SLC36A4: variants seen among roughly 807,000 people sequenced by gnomAD.
The protein encoded by SLC36A4 is solute carrier family 36 member 4.
A neutral mutation model predicts 50.5 loss-of-function variants in SLC36A4; 49 were observed. The observed-to-expected ratio is 0.97, with a 90% CI of 0.77 to 1.23. SLC36A4 has a LOEUF of 1.23. Ranked by LOEUF, SLC36A4 falls within the 50% of genes most tolerant of loss-of-function variation. The probability of loss-of-function intolerance (pLI) is 0.00; values close to 1 mark genes in which losing one functional copy is unlikely to be tolerated. For synonymous variants in SLC36A4, 207 were observed against 206.5 expected (o/e 1.00, Z -0.02); for missense variants, 611 against 608.4 (o/e 1.00, Z -0.05).
chr11:93,149,565 T>G (rs969386634), intron 10 of SLC36A4, among the ~76,000 whole-genome samples: 1 of 152,064 alleles, frequency 6.6e-6, no homozygotes, highest in Non-Finnish European at 1.5e-5. Flanking sequence ...TGTGGGATTC[T>G]TGTTAAAAAT....
chr11:93,150,166 C>G (rs527869571), intron 10 of SLC36A4, among the ~76,000 whole-genome samples: 3 of 152,094 alleles, frequency 2.0e-5, no homozygotes, highest in African/African-American at 7.2e-5. Context: ...GGAGTTGCCA[C>G]CAGAAATAAC....
chr11:93,172,535 C>CTGCACCT (rs1209269792), intron 6 of SLC36A4, among the ~76,000 whole-genome samples: 27 of 150,530 alleles, frequency 1.8e-4, no homozygotes, highest in African/African-American at 5.6e-4. Flanking sequence ...CATGCTGGTG[C>CTGCACCT]GCTGCACCCA....
At chr11:93,155,406 A>G (rs1356346510) in intron 9 of SLC36A4, 1 of 152,144 alleles carries the variant, frequency 6.6e-6, no homozygotes, top group Admixed American at 6.5e-5. Context: ...TTCTTACAAA[A>G]AAATGCAATC....
At position 93,148,070 on chromosome 11, in the gene SLC36A4, T is replaced by TC. The variant is rs1859914897; in HGVS notation, c.*466_*467insG. The TC allele has an allele frequency of 6.6e-6, 1 of 152,028 alleles. No homozygotes were observed. Among genetic ancestry groups the TC allele is most frequent in the Admixed American group, 6.6e-5 (1 of 15,206 alleles). The allele number at this position is 152,028 out of a possible 1,614,324, so 9.4% of individuals were successfully genotyped here. ...GGCTAATAAAAACATAACTGAGATT[T>TC]TTTTTTTTTACACTGTACATAAAGT... On this transcript the variant is annotated 3_prime_UTR_variant, in exon 11 of 11. Coordinates refer to ENST00000326402, the MANE Select transcript of SLC36A4 (RefSeq NM_152313.4).
At chr11:93,149,529 C>T (rs1647160849) in intron 10 of SLC36A4, among the ~76,000 whole-genome samples, 1 of 152,062 alleles carries the variant, frequency 6.6e-6, no homozygotes, top group African/African-American at 2.4e-5. Flanking sequence ...TGATGTGATA[C>T]ACTGAGAAGT....
intron 7 of SLC36A4, 152 bp downstream of exon 7, chr11:93,167,792 C>A (rs1301916916): frequency 2.1e-5 from 12 of 578,698 alleles, no homozygotes; most frequent in Admixed American, 3.5e-5. Flanking sequence ...TCAGCAGCAT[C>A]CCCCTAAAAG....
At position 93,197,953 on chromosome 11, in the gene SLC36A4, C is replaced by A; in HGVS notation, c.-121G>T. The A allele has an allele frequency of 9.5e-7, 1 of 1,054,642 alleles. No homozygotes were observed. The highest frequency in any genetic ancestry group is 1.3e-6 in the Non-Finnish European group (1 of 786,348). The allele number at this position is 1,054,642 out of a possible 1,614,324, so 65.3% of individuals were successfully genotyped here. A position where few individuals can be genotyped will look rare whatever the true frequency, so the allele number is the denominator to read the frequency against. On this transcript the variant is annotated 5_prime_UTR_variant, in exon 1 of 11. In the 5' UTR this introduces an upstream ATG that the reference lacks. Transcript: ENST00000326402. ...GGACCCGCGCCTGGTGCCCGCCTCC[C>A]TGCCCCGGCGCTCCCCAACCGCGCG...
intron 5 of SLC36A4, 58 bp from the exon 6 acceptor site, chr11:93,180,939 T>G: frequency 8.8e-7 from 1 of 1,138,476 alleles, no homozygotes; most frequent in Non-Finnish European, 1.3e-6. Flanking sequence ...GTCAATATAT[T>G]TTATTTCTCT....
At chr11:93,183,903 T>C (rs1226504920) in intron 3 of SLC36A4, among the ~76,000 whole-genome samples, 1 of 152,156 alleles carries the variant, frequency 6.6e-6, no homozygotes, top group African/African-American at 2.4e-5. Context: ...TTTCACCGTG[T>C]TAGCCAGGAT....
chr11:93,174,014 T>G (rs1280818590), intron 6 of SLC36A4, among the ~76,000 whole-genome samples: 2 of 149,970 alleles, frequency 1.3e-5, no homozygotes. Context: ...GGGGATGGCA[T>G]TGAATCTGTA....
rs756708847 is a variant in SLC36A4 at position 93,168,147 on chromosome 11, T to G, written c.565A>C (p.Lys189Gln). The G allele has an allele frequency of 1.9e-6, 3 of 1,610,422 alleles. No homozygotes were observed. Among genetic ancestry groups the G allele is most frequent in the African/African-American group, 1.3e-5 (1 of 74,716 alleles). Residue 189 changes from lysine to glutamine, a missense_variant, in exon 7 of 11, where the codon AAA (lysine) becomes CAA (glutamine). By Grantham distance (53) the Lys-to-Gln change is moderately conservative. Transcript: ENST00000326402. Reference sequence around the variant, plus strand: ...TTGGTACTATTTGAAATAAACACTTTACTCTCCAGGAATCCTTCATGAACC... The same window carrying G: ...TTGGTACTATTTGAAATAAACACTTGACTCTCCAGGAATCCTTCATGAACC... The part of the protein sequence containing the change: ...KQVHEGFLES[K>Q]VFISNSTNSS...
In SLC36A4 at chr11:93,144,447, T is replaced by C. The variant is rs1348258415; in HGVS notation, c.*4090A>G. ...CAAAACAGCATCTTTCTGGACCCAA[T>C]TTAAATAGTAATTTAGTATTAGTAT... On this transcript the variant is annotated 3_prime_UTR_variant, in exon 11 of 11. Coordinates refer to ENST00000326402, the MANE Select transcript of SLC36A4 (RefSeq NM_152313.4). The C allele has an allele frequency of 2.0e-5, 3 of 152,080 alleles. No homozygotes were observed. Among genetic ancestry groups the C allele is most frequent in the African/African-American group, 7.2e-5 (3 of 41,450 alleles). The allele number at this position is 152,080 out of a possible 1,614,324, so 9.4% of individuals were successfully genotyped here.
chr11:93,187,943 T>A (rs543364759), intron 1 of SLC36A4, among the ~76,000 whole-genome samples: 1 of 152,328 alleles, frequency 6.6e-6, no homozygotes, highest in South Asian at 2.1e-4. Flanking sequence ...TGCTATGAAT[T>A]ACTAACTTCT....
intron 10 of SLC36A4, among the ~76,000 whole-genome samples, chr11:93,153,452 C>G (rs143102937): frequency 6.6e-6 from 1 of 152,182 alleles, no homozygotes; most frequent in African/African-American, 2.4e-5. Flanking sequence ...AGGGGCTCAA[C>G]AATGGCATGT....
At chr11:93,196,328 T>C (rs1170924272) in intron 1 of SLC36A4, among the ~76,000 whole-genome samples, 1 of 152,214 alleles carries the variant, frequency 6.6e-6, no homozygotes, top group South Asian at 2.1e-4. Context: ...ACTTATTTCC[T>C]CGGGAAATAT....
intron 5 of SLC36A4, among the ~76,000 whole-genome samples, 193 bp downstream of exon 5, chr11:93,181,498 A>G (rs1861730220): frequency 6.6e-6 from 1 of 152,140 alleles, no homozygotes; most frequent in South Asian, 2.1e-4. Context: ...ACAATGATAA[A>G]TAATTTGATC....
At chr11:93,168,240 T>C (rs1022211770) in intron 6 of SLC36A4, 69 bp from the exon 7 acceptor site, 90 of 868,696 alleles carry the variant, frequency 1.0e-4, no homozygotes, top group Middle Eastern at 3.4e-4. Flanking sequence ...ATAAAACACA[T>C]GTACAAAGAA....
chr11:93,193,381 G>A (rs77514927), intron 1 of SLC36A4, among the ~76,000 whole-genome samples: 12 of 152,108 alleles, frequency 7.9e-5, no homozygotes, highest in East Asian at 1.9e-4. Flanking sequence ...TATTATTTTC[G>A]CCCAATGTTT....
At chr11:93,153,889 T>C (rs1302726578) in intron 10 of SLC36A4, 1 of 257,010 alleles carries the variant, frequency 3.9e-6, no homozygotes, top group Non-Finnish European at 7.2e-6. Context: ...CATTAGTTAT[T>C]TTAAGTGTGA....
Sources: allele counts gnomAD v4.1 joint callset (sites outside exome capture counted in the v4.1 genomes callset), GRCh38; gene constraint gnomAD v4.1.1; transcripts MANE v1.5; gene names NCBI Gene and HGNC (gene_info 2026-07-23, HGNC 2026-07-21).